The following LRCH1 variants were observed in gnomAD, a reference collection of about 807,000 sequenced individuals.
LRCH1 encodes the protein leucine rich repeats and calponin homology domain containing 1, also known as leucine-rich repeat and calponin homology domain-containing protein 1.
In LRCH1, 23 loss-of-function variants were observed where a neutral mutation model predicts 94.9. The ratio of observed to expected loss-of-function variants is 0.24; its 90% CI spans 0.17 to 0.34. LRCH1 has a LOEUF of 0.34. LRCH1 is among the 10% of genes least tolerant of loss of function. The probability of loss-of-function intolerance (pLI) is 1.00; values close to 1 mark genes in which losing one functional copy is unlikely to be tolerated. For missense variants in LRCH1, 790 were observed against 945.9 expected, an observed-to-expected ratio of 0.84 and a Z score of 2.16; for synonymous variants, 364 against 354.9, an observed-to-expected ratio of 1.03 and a Z score of -0.29.
At chr13:46,603,990 C>T (rs1226294906) in intron 1 of LRCH1, among the ~76,000 whole-genome samples, 1 of 152,162 alleles carries the variant, frequency 6.6e-6, no homozygotes, top group Non-Finnish European at 1.5e-5. Context: ...TTGATTCTTC[C>T]TCACCTCCCA....
intron 1 of LRCH1, among the ~76,000 whole-genome samples, chr13:46,603,665 C>T (rs1388402712): frequency 6.6e-6 from 1 of 152,144 alleles, no homozygotes; most frequent in Non-Finnish European, 1.5e-5. Flanking sequence ...TAATTGGATA[C>T]TTTACTATTC....
chr13:46,723,310 C>CTGG lies in LRCH1; in HGVS notation c.1853_1855dup (p.Val618dup). The CTGG allele has an allele frequency of 6.2e-7, 1 of 1,611,730 alleles. No homozygotes were observed. Among genetic ancestry groups the CTGG allele is most frequent in the Non-Finnish European group, 8.5e-7 (1 of 1,177,902 alleles). The stretch of plus-strand genomic sequence containing the variant: ...GGAGCAGATGAGAGAAGAGAAAGAG[C>CTGG]TGGTGGAACAACTTCGTGAGGTACC... On this transcript the variant is annotated inframe_insertion, in exon 17 of 20. Transcript: ENST00000389797.
intron 1 of LRCH1, among the ~76,000 whole-genome samples, chr13:46,607,587 C>A (rs577243690): frequency 1.3e-5 from 2 of 151,794 alleles, no homozygotes; most frequent in Admixed American, 6.6e-5. Flanking sequence ...TCTTCTCCTT[C>A]TCCTTTTTCT....
chr13:46,744,480 T>A lies in LRCH1; in HGVS notation c.*2632T>A. 1.0e-6 allele frequency: 1 copy of A among 985,426 alleles called. No homozygotes were observed. Among genetic ancestry groups the A allele is most frequent in the Non-Finnish European group, 1.2e-6 (1 of 829,928 alleles). 61.0% of individuals were successfully genotyped at this position (985,426 alleles called of 1,614,324 possible). A position where few individuals can be genotyped will look rare whatever the true frequency, so the allele number is the denominator to read the frequency against. ...CTAATCATCTTTCCTATTTATGGAT[T>A]TCTGGTTTGTTATTTTTAGGGAGAG... On this transcript the variant is annotated 3_prime_UTR_variant, in exon 20 of 20. Transcript: ENST00000389797.
At chr13:46,725,313 A>G (rs1872759018) in intron 17 of LRCH1, among the ~76,000 whole-genome samples, 2 of 152,244 alleles carry the variant, frequency 1.3e-5, no homozygotes, top group South Asian at 4.1e-4. Flanking sequence ...CAACATACCC[A>G]TGTAACAAAC....
At chr13:46,614,950 C>T (rs967075246) in intron 1 of LRCH1, among the ~76,000 whole-genome samples, 48 of 152,174 alleles carry the variant, frequency 3.2e-4, no homozygotes, top group African/African-American at 1.1e-3. Context: ...GCTCATTCCA[C>T]GGCCACCCCA....
intron 13 of LRCH1, 55 bp from the exon 14 acceptor site, chr13:46,711,736 C>T: frequency 7.2e-7 from 1 of 1,394,504 alleles, no homozygotes; most frequent in Non-Finnish European, 1.0e-6. Flanking sequence ...AATTTCTTGC[C>T]TCAACAGTTT....
chr13:46,656,026 T>C (rs576288341), intron 2 of LRCH1, among the ~76,000 whole-genome samples: 1 of 152,332 alleles, frequency 6.6e-6, no homozygotes, highest in Admixed American at 6.5e-5. Context: ...GGAATCTGTT[T>C]TGGCTGCTTT....
chr13:46,746,429 C>G (rs186188990), downstream of LRCH1, among the ~76,000 whole-genome samples: 69 of 152,050 alleles, frequency 4.5e-4, no homozygotes, highest in Non-Finnish European at 9.1e-4. Flanking sequence ...CAGATTCTAC[C>G]ATTGGAGAAG....
chr13:46,660,168 C>T (rs1386683786), intron 2 of LRCH1, among the ~76,000 whole-genome samples: 1 of 151,546 alleles, frequency 6.6e-6, no homozygotes. Flanking sequence ...CCCGCCACCA[C>T]GCCCGGCTAA....
intron 7 of LRCH1, among the ~76,000 whole-genome samples, chr13:46,690,607 A>G (rs886360811): frequency 1.3e-5 from 2 of 152,206 alleles, no homozygotes; most frequent in Admixed American, 6.5e-5. Context: ...AATTAGATGC[A>G]TATCTTTGGA....
chr13:46,603,087 C>T (rs1024604851), intron 1 of LRCH1, among the ~76,000 whole-genome samples: 1 of 152,106 alleles, frequency 6.6e-6, no homozygotes, highest in Non-Finnish European at 1.5e-5. Flanking sequence ...TGACTTCATC[C>T]TGTAAATAAT....
Position 46,711,797 on chromosome 13 carries a change from A to G in LRCH1, c.1534A>G (p.Ser512Gly). 1 of 1,613,000 alleles carries G rather than the reference A, an allele frequency of 6.2e-7. No individual in the cohort carries two copies. The highest frequency in any genetic ancestry group is 8.5e-7 in the Non-Finnish European group (1 of 1,179,294). ...TTTGTTCTTCTTTTTTAAGGTGCAA[A>G]GTGATCTAACATTACAGAGTAACGG... is the stretch of plus-strand genomic sequence containing the variant. ...LETSPVCEVQ[S>G]DLTLQSNGSQ... Residue 512 changes from serine to glycine, a missense_variant, in exon 14 of 20, where the codon AGT (serine) becomes GGT (glycine). Physicochemically the swap from Ser to Gly is moderately conservative, Grantham distance 56. Around this residue, in one of 3 missense-constraint regions of LRCH1, gnomAD observed 460 missense variants for 508.9 expected, o/e 0.90. Transcript: ENST00000389797.
At chr13:46,722,734 A>G (rs1244745411) in intron 16 of LRCH1, among the ~76,000 whole-genome samples, 1 of 152,252 alleles carries the variant, frequency 6.6e-6, no homozygotes, top group Non-Finnish European at 1.5e-5. Context: ...ACCCTCAAAT[A>G]TGTAATCATC....
At chr13:46,653,193 G>A (rs187462242) in intron 2 of LRCH1, among the ~76,000 whole-genome samples, 45 of 152,270 alleles carry the variant, frequency 3.0e-4, no homozygotes, top group Non-Finnish European at 5.0e-4. Flanking sequence ...CTTCAAATAT[G>A]GTTTACAGTC....
chr13:46,671,110 A>G (rs1051112811), intron 3 of LRCH1, among the ~76,000 whole-genome samples: 1 of 152,180 alleles, frequency 6.6e-6, no homozygotes, highest in Non-Finnish European at 1.5e-5. Context: ...CCTTCTGGGA[A>G]TGCACCTTGT....
At chr13:46,567,504 G>T (rs2050197443) in intron 1 of LRCH1, among the ~76,000 whole-genome samples, 2 of 151,740 alleles carry the variant, frequency 1.3e-5, no homozygotes, top group South Asian at 4.2e-4. Flanking sequence ...GTGTGTGTGT[G>T]TGTGTGTGTG....
chr13:46,701,002 A>C (rs1053662248), intron 10 of LRCH1, 119 bp from the exon 11 acceptor site: 4 of 678,042 alleles, frequency 5.9e-6, no homozygotes, highest in Non-Finnish European at 1.0e-5. Context: ...ATAACACTGA[A>C]TCTGTCGAAA....
At chr13:46,673,102 TA>T (rs1300721817) in intron 3 of LRCH1, among the ~76,000 whole-genome samples, 1 of 152,198 alleles carries the variant, frequency 6.6e-6, no homozygotes, top group Non-Finnish European at 1.5e-5. Flanking sequence ...CTGTATAATA[TA>T]AAAAATATTA....
Sources: gnomAD v4.1 joint callset for allele counts (sites outside exome capture counted in the v4.1 genomes callset) on GRCh38, gnomAD v4.1.1 for gene constraint, gnomAD v4.1.1 regional missense constraint, MANE v1.5 for transcripts, NCBI Gene and HGNC (gene_info 2026-07-23, HGNC 2026-07-21) for gene names.